Variants in RBMS3 observed in about 807,000 individuals in gnomAD.
The protein encoded by RBMS3 is RNA binding motif single stranded interacting protein 3.
In RBMS3, 27 loss-of-function variants were observed where a neutral mutation model predicts 66.8. The observed-to-expected ratio is 0.40, with a 90% CI of 0.30 to 0.56. The LOEUF is 0.56. Ranked by LOEUF, RBMS3 falls within the 20% of genes least tolerant of loss-of-function variation. The pLI, the probability that RBMS3 is intolerant of heterozygous loss-of-function variation, is 0.40. For synonymous variants in RBMS3, 188 were observed against 183.0 expected (o/e 1.03, Z -0.22); for missense variants, 513 against 549.5 (o/e 0.93, Z 0.66).
At chr3:29,813,019 T>A (rs2057772554) in intron 6 of RBMS3, among the ~76,000 whole-genome samples, 1 of 152,102 alleles carries the variant, frequency 6.6e-6, no homozygotes, top group African/African-American at 2.4e-5. Flanking sequence ...TAGTGTATCA[T>A]GAACTTCTTT....
chr3:29,542,265 G>A (rs1275523413), intron 3 of RBMS3, among the ~76,000 whole-genome samples: 1 of 152,124 alleles, frequency 6.6e-6, no homozygotes, highest in Non-Finnish European at 1.5e-5. Context: ...AGAAAGTGAT[G>A]TCTTTTCATT....
At chr3:29,900,756 C>G (rs957058187) in intron 10 of RBMS3, among the ~76,000 whole-genome samples, 54 of 151,770 alleles carry the variant, frequency 3.6e-4, no homozygotes, top group Non-Finnish European at 2.9e-5. Flanking sequence ...AAAAAGTATA[C>G]ATGCTATGCA....
chr3:29,595,884 TATG>T (rs1479328690), intron 4 of RBMS3, among the ~76,000 whole-genome samples: 2 of 152,168 alleles, frequency 1.3e-5, no homozygotes, highest in Admixed American at 1.3e-4. Flanking sequence ...CTTTACTTCT[TATG>T]ATACTAGGAG....
rs1178854830 is a variant in RBMS3, at chr3:29,942,912, A to T, written c.1051-1295A>T. Among the ~76,000 whole-genome samples the T allele has an allele frequency of 2.6e-5, 4 of 151,802 alleles. No homozygotes were observed. In the East Asian group the frequency reaches 7.8e-4, roughly 30 times the overall value. ...TTAAAAAATTGGAAAAACTTTTAAA[A>T]TGATTCTAATTATTCTAGATTTGGG... is the stretch of plus-strand genomic sequence containing the variant. On this transcript the variant is annotated intron_variant, in intron 11 of 14. Transcript: ENST00000383767.
At chr3:29,996,147 A>G (rs1188473524) in intron 14 of RBMS3, among the ~76,000 whole-genome samples, 1 of 149,572 alleles carries the variant, frequency 6.7e-6, no homozygotes, top group Non-Finnish European at 1.5e-5. Context: ...ACTTTAAACC[A>G]ACAAAGATCA....
Position 30,009,897 on chromosome 3 carries a change from TAA to T in RBMS3, c.*6036_*6037del. The T allele has an allele frequency of 6.6e-6, 1 of 152,260 alleles. No individual in the cohort carries two copies. Among genetic ancestry groups the T allele is most frequent in the Non-Finnish European group, 1.5e-5 (1 of 68,008 alleles). The allele number at this position is 152,260 out of a possible 1,614,324, so 9.4% of individuals were successfully genotyped here. A position where few individuals can be genotyped will look rare whatever the true frequency, so the allele number is the denominator to read the frequency against. ...TGTTATCTCTTCATATATAAAAAAA[TAA>T]GTTATTCCATGCTTTTCAGGAACTG... On this transcript the variant is annotated 3_prime_UTR_variant, in exon 15 of 15. Transcript: ENST00000383767.
intron 5 of RBMS3, among the ~76,000 whole-genome samples, chr3:29,742,319 C>T (rs2054684407): frequency 6.6e-6 from 1 of 152,144 alleles, no homozygotes; most frequent in African/African-American, 2.4e-5. Flanking sequence ...CATATAGAAG[C>T]CACAGTGAGC....
At chr3:29,747,862 C>A (rs1371835) in intron 5 of RBMS3, among the ~76,000 whole-genome samples, 72,405 of 151,958 alleles carry the variant, frequency 0.48, 18,424 homozygotes, top group African/African-American at 0.65. Flanking sequence ...CAGTTGGAAC[C>A]AGCAGTCATG....
At chr3:29,777,102 T>C (rs757262247) in intron 6 of RBMS3, among the ~76,000 whole-genome samples, 1 of 151,850 alleles carries the variant, frequency 6.6e-6, no homozygotes, top group Non-Finnish European at 1.5e-5. Context: ...AGGGCCTGCA[T>C]TCCCCTCATT....
intron 1 of RBMS3, among the ~76,000 whole-genome samples, chr3:29,414,078 G>C (rs1358980687): frequency 6.6e-6 from 1 of 152,120 alleles, no homozygotes; most frequent in South Asian, 2.1e-4. Flanking sequence ...AGTCTTTTAA[G>C]GTTTTAGGAT....
intron 2 of RBMS3, among the ~76,000 whole-genome samples, chr3:29,468,903 C>T (rs72853381): frequency 0.065 from 9,937 of 152,096 alleles, 437 homozygotes; most frequent in African/African-American, 0.11. Context: ...AAGTCATTTT[C>T]TAGTTGCTAT....
intron 12 of RBMS3, among the ~76,000 whole-genome samples, chr3:29,956,630 T>C (rs1696063405): frequency 1.3e-5 from 2 of 152,222 alleles, no homozygotes; most frequent in South Asian, 4.2e-4. Flanking sequence ...TGCCTGAATT[T>C]TCTCTCACAG....
At chr3:29,895,025 G>A (rs935345730) in intron 8 of RBMS3, among the ~76,000 whole-genome samples, 1 of 151,558 alleles carries the variant, frequency 6.6e-6, no homozygotes, top group East Asian at 2.0e-4. Context: ...ACAGAAGTAG[G>A]CAATAGCCTG....
At chr3:29,999,207 A>C (rs1207862335) in intron 14 of RBMS3, among the ~76,000 whole-genome samples, 1 of 152,238 alleles carries the variant, frequency 6.6e-6, no homozygotes, top group Non-Finnish European at 1.5e-5. Context: ...TCAAAACCAC[A>C]ATGAGATATC....
At chr3:29,396,852 T>G in intron 1 of RBMS3, among the ~76,000 whole-genome samples, 1 of 152,218 alleles carries the variant, frequency 6.6e-6, no homozygotes, top group Non-Finnish European at 1.5e-5. Flanking sequence ...GAGTTTATTT[T>G]CTTTAGTAAA....
At position 29,897,359 on chromosome 3, in the gene RBMS3, T is replaced by C; in HGVS notation, c.792-20T>C. 6.2e-7 allele frequency: 1 copy of C among 1,604,636 alleles called. No homozygotes were observed. The highest frequency in any genetic ancestry group is 2.2e-5 in the East Asian group (1 of 44,746). Reference sequence around the variant, plus strand: ...CATGTAGCAGCTTCGTGAATCTTCCTTTTTGTTTTCTGTTTGCAGATTTTA... The same window carrying C: ...CATGTAGCAGCTTCGTGAATCTTCCCTTTTGTTTTCTGTTTGCAGATTTTA... On this transcript the variant is annotated intron_variant, in intron 8 of 14. Coordinates refer to ENST00000383767, the MANE Select transcript of RBMS3 (RefSeq NM_001003793.3).
chr3:29,569,494 C>T (rs1299394087), intron 3 of RBMS3, among the ~76,000 whole-genome samples: 1 of 152,054 alleles, frequency 6.6e-6, no homozygotes, highest in African/African-American at 2.4e-5. Context: ...CATGACTATT[C>T]AAACTTTTGA....
chr3:29,446,437 C>T (rs893368225), intron 2 of RBMS3, among the ~76,000 whole-genome samples: 6 of 151,972 alleles, frequency 3.9e-5, no homozygotes, highest in African/African-American at 9.7e-5. Flanking sequence ...TGAGATTATA[C>T]GTATTTAGTA....
intron 6 of RBMS3, among the ~76,000 whole-genome samples, chr3:29,860,775 TATC>T (rs2059192887): frequency 6.6e-6 from 1 of 152,230 alleles, no homozygotes; most frequent in Admixed American, 6.5e-5. Context: ...CTTCTATTAG[TATC>T]ATGTTTTCAT....
Sources: gnomAD v4.1 joint callset for allele counts (sites outside exome capture counted in the v4.1 genomes callset) on GRCh38, gnomAD v4.1.1 for gene constraint, MANE v1.5 for transcripts, NCBI Gene and HGNC (gene_info 2026-07-23, HGNC 2026-07-21) for gene names.